UGT1A5: variants seen among roughly 807,000 people sequenced by gnomAD.
UGT1A5 encodes UDP-glucuronosyltransferase 1A5.
Under a neutral mutation model 40.3 loss-of-function variants are expected in UGT1A5, and 29 were observed. That is an observed-to-expected ratio of 0.72 (90% confidence interval 0.54 to 0.98). UGT1A5 has a LOEUF of 0.98. Among genes scored for constraint, UGT1A5 ranks in the 50% least tolerant of loss-of-function variants. The probability of loss-of-function intolerance (pLI) is 0.00; values close to 1 mark genes in which losing one functional copy is unlikely to be tolerated. For missense variants in UGT1A5, 678 were observed against 677.9 expected, an observed-to-expected ratio of 1.00 and a Z score of 0.00; for synonymous variants, 257 against 262.5, an observed-to-expected ratio of 0.98 and a Z score of 0.20.
intron 1 of UGT1A5, among the ~76,000 whole-genome samples, chr2:233,757,151 G>T (rs1696421194): frequency 6.6e-6 from 1 of 151,298 alleles, no homozygotes; most frequent in African/African-American, 2.4e-5. Flanking sequence ...GGTGGGCTGG[G>T]GTCTATCCCA....
chr2:233,744,469 A>G (rs965200544), intron 1 of UGT1A5, among the ~76,000 whole-genome samples: 1 of 151,962 alleles, frequency 6.6e-6, no homozygotes, highest in African/African-American at 2.4e-5. Flanking sequence ...AGAATTAAAA[A>G]GACATATTAA....
chr2:233,718,505 ACAT>A (rs2076658456), intron 1 of UGT1A5, among the ~76,000 whole-genome samples: 1 of 152,230 alleles, frequency 6.6e-6, no homozygotes, highest in African/African-American at 2.4e-5. Context: ...GAAGGCAGTG[ACAT>A]GAAATGGGTG....
chr2:233,733,931 G>A (rs1209244784), intron 1 of UGT1A5, among the ~76,000 whole-genome samples: 1 of 151,624 alleles, frequency 6.6e-6, no homozygotes, highest in Non-Finnish European at 1.5e-5. Flanking sequence ...TGAGGAAGGG[G>A]AACATCACAT....
chr2:233,728,197 T>C (rs2077689695), intron 1 of UGT1A5, among the ~76,000 whole-genome samples: 1 of 152,224 alleles, frequency 6.6e-6, no homozygotes, highest in Non-Finnish European at 1.5e-5. Flanking sequence ...TGGTGCTGGA[T>C]TGACTTGGAG....
At chr2:233,724,339 G>T (rs2077227774) in intron 1 of UGT1A5, among the ~76,000 whole-genome samples, 3 of 142,760 alleles carry the variant, frequency 2.1e-5, no homozygotes, top group Non-Finnish European at 3.1e-5. Context: ...GCGGGGGGCT[G>T]ACCCCCCCCA....
chr2:233,729,069 G>A (rs983244934), intron 1 of UGT1A5: 166 of 1,611,318 alleles, frequency 1.0e-4, no homozygotes, highest in Non-Finnish European at 1.2e-4. Flanking sequence ...GATGAAGAAA[G>A]CAAATGTAGC....
At chr2:233,716,338 G>A (rs561710355) in intron 1 of UGT1A5, among the ~76,000 whole-genome samples, 6 of 152,144 alleles carry the variant, frequency 3.9e-5, no homozygotes, top group African/African-American at 1.2e-4. Context: ...CCAGGTTTGC[G>A]CAACTACAAT....
intron 1 of UGT1A5, among the ~76,000 whole-genome samples, chr2:233,752,997 A>G (rs1695105472): frequency 6.6e-6 from 1 of 151,602 alleles, no homozygotes. Context: ...CACTCATTCT[A>G]TCCTACCCAG....
intron 1 of UGT1A5, among the ~76,000 whole-genome samples, chr2:233,731,261 T>C (rs1490710727): frequency 2.6e-5 from 4 of 151,726 alleles, no homozygotes; most frequent in Non-Finnish European, 4.4e-5. Flanking sequence ...AAATAGTGAC[T>C]GTTGCCCTTC....
intron 1 of UGT1A5, chr2:233,718,944 C>T (rs553189135): frequency 6.2e-7 from 1 of 1,614,060 alleles, no homozygotes; most frequent in African/African-American, 1.3e-5. Flanking sequence ...CAGCCCCTGG[C>T]TCAGCATGCG....
rs1247902787 is a variant in UGT1A5 at position 233,740,991 on chromosome 2, GAGGA to G, written c.868-26038_868-26035del. The G allele has an allele frequency of 1.6e-4, 25 of 151,764 alleles. 2 individuals are homozygous for G. Among genetic ancestry groups the G allele is most frequent in the African/African-American group, 6.1e-4 (25 of 41,070 alleles). 9.4% of individuals were successfully genotyped at this position (151,764 alleles called of 1,614,324 possible). A position where few individuals can be genotyped will look rare whatever the true frequency, so the allele number is the denominator to read the frequency against. ...AGTCCTAGCTACTGGGAATGCTGAGGAGGAAGGATCACTTGAGCCCAGGAATTCG... is the reference window on the plus strand; with the variant it reads ...AGTCCTAGCTACTGGGAATGCTGAGGAGGATCACTTGAGCCCAGGAATTCG... On this transcript the variant is annotated intron_variant, in intron 1 of 4. Coordinates refer to ENST00000373414, the MANE Select transcript of UGT1A5 (RefSeq NM_019078.2).
intron 1 of UGT1A5, among the ~76,000 whole-genome samples, chr2:233,757,535 A>AATATATATACATATAC (rs376887521): frequency 1.6e-3 from 143 of 88,240 alleles, no homozygotes; most frequent in Middle Eastern, 5.7e-3. Flanking sequence ...GCCTGTAAGG[A>AATATATATACATATAC]ATATATATAT....
intron 1 of UGT1A5, chr2:233,729,134 C>T (rs143371539): frequency 2.5e-6 from 4 of 1,613,290 alleles, no homozygotes; most frequent in Middle Eastern, 1.8e-4. Flanking sequence ...GAGATGGCCA[C>T]AGGACTCCAG....
At chr2:233,761,196 T>G (rs761284519) in intron 1 of UGT1A5, 1 of 1,614,142 alleles carries the variant, frequency 6.2e-7, no homozygotes. Context: ...TTCTTTCAGA[T>G]GTATTACTTT....
chr2:233,772,368 G>C lies in UGT1A5; in HGVS notation c.1414G>C (p.Ala472Pro). Reference protein sequence around the residue: ...WVEFVMRHKGAPHLRPAAHDL... With the variant: ...WVEFVMRHKGPPHLRPAAHDL... Reference sequence around the variant, plus strand: ...GGAGTTTGTGATGAGGCACAAGGGCGCGCCACACCTGCGCCCCGCAGCCCA... The same window carrying C: ...GGAGTTTGTGATGAGGCACAAGGGCCCGCCACACCTGCGCCCCGCAGCCCA... Residue 472 changes from alanine (A) to proline (P), a missense_variant, in exon 5 of 5, where the codon GCG (alanine) becomes CCG (proline). Coordinates refer to ENST00000373414, the MANE Select transcript of UGT1A5 (RefSeq NM_019078.2). 6.2e-7 allele frequency: 1 copy of C among 1,614,220 alleles called. No homozygotes were observed. The highest frequency in any genetic ancestry group is 1.1e-5 in the South Asian group (1 of 91,078).
Position 233,713,530 on chromosome 2 carries a change from T to C in UGT1A5, c.539T>C (p.Leu180Ser), listed in dbSNP as rs1170777444. The change falls in exon 1 of 5, where the codon TTA (leucine) becomes TCA (serine). Residue 180 changes from leucine to serine, a missense_variant. Coordinates refer to ENST00000373414, the MANE Select transcript of UGT1A5 (RefSeq NM_019078.2). ...TTCTTGAGGAACATTCCATGTGATTTAGACTTTAAGGGCACACAGTGTCCA... is the reference window on the plus strand; with the variant it reads ...TTCTTGAGGAACATTCCATGTGATTCAGACTTTAAGGGCACACAGTGTCCA... ...VFFLRNIPCD[L>S]DFKGTQCPNP... 1.2e-6 allele frequency: 2 copies of C among 1,613,964 alleles called. No individual in the cohort carries two copies. The highest frequency in any genetic ancestry group is 1.7e-6 in the Non-Finnish European group (2 of 1,179,868).
chr2:233,719,068 C>G (rs1363775237), intron 1 of UGT1A5: 3 of 1,614,146 alleles, frequency 1.9e-6, no homozygotes, highest in Admixed American at 3.3e-5. Flanking sequence ...TATGCTGTTC[C>G]ATGGACCCAG....
At chr2:233,716,337 C>A (rs17868335) in intron 1 of UGT1A5, among the ~76,000 whole-genome samples, 15,441 of 152,180 alleles carry the variant, frequency 0.1, 906 homozygotes, top group East Asian at 0.2. Flanking sequence ...CCCAGGTTTG[C>A]GCAACTACAA....
intron 1 of UGT1A5, among the ~76,000 whole-genome samples, chr2:233,749,749 G>C (rs1286332209): frequency 2.0e-5 from 3 of 151,910 alleles, no homozygotes; most frequent in Non-Finnish European, 2.9e-5. Context: ...ATCATAGTGA[G>C]TGAGTTCTTA....
Sources: gnomAD v4.1 joint callset for allele counts (sites outside exome capture counted in the v4.1 genomes callset) on GRCh38, gnomAD v4.1.1 for gene constraint, MANE v1.5 for transcripts, NCBI Gene and HGNC (gene_info 2026-07-23, HGNC 2026-07-21) for gene names.